The following ARHGAP22 variants were observed in gnomAD, a reference collection of about 807,000 sequenced individuals.
ARHGAP22 encodes rho GTPase-activating protein 22.
ARHGAP22 carries 48 observed loss-of-function variants against 59.1 expected under a neutral mutation model. The ratio of observed to expected loss-of-function variants is 0.81; its 90% CI spans 0.64 to 1.03. The LOEUF (loss-of-function observed/expected upper bound fraction) is 1.03, where lower values mean the gene tolerates loss of function less well. ARHGAP22 is among the 50% of genes least tolerant of loss of function. The pLI is 0.00. For synonymous variants in ARHGAP22, 445 were observed against 416.4 expected, an observed-to-expected ratio of 1.07 and a Z score of -0.84; for missense variants, 1,015 against 958.7, an observed-to-expected ratio of 1.06 and a Z score of -0.78.
intron 3 of ARHGAP22, among the ~76,000 whole-genome samples, chr10:48,520,329 T>C (rs2134711380): frequency 6.6e-6 from 1 of 152,266 alleles, no homozygotes; most frequent in African/African-American, 2.4e-5. Flanking sequence ...CAGCCCTGGT[T>C]CTGCTGTTCT....
chr10:48,444,416 G>T (rs1322750399), downstream of ARHGAP22: 1 of 152,232 alleles, frequency 6.6e-6, no homozygotes, highest in Non-Finnish European at 1.5e-5. Context: ...GTTACACAGA[G>T]ATTGGAGAAC....
chr10:48,470,927 T>A (rs777431664), intron 4 of ARHGAP22, among the ~76,000 whole-genome samples: 27 of 152,220 alleles, frequency 1.8e-4, no homozygotes, highest in South Asian at 2.1e-4. Flanking sequence ...CTGGGGGTAA[T>A]CACCTTTCAC....
At position 48,450,293 on chromosome 10, in the gene ARHGAP22, GCGGCACAGCT is replaced by G; in HGVS notation, c.1826_1835del (p.Glu609AlafsTer10). The G allele has an allele frequency of 1.2e-6, 2 of 1,609,340 alleles. No individual in the cohort carries two copies. Among genetic ancestry groups the G allele is most frequent in the Non-Finnish European group, 1.7e-6 (2 of 1,178,400 alleles). The stretch of plus-strand genomic sequence containing the variant: ...CACTCCTCTCGTACTCAGTCCGCTG[GCGGCACAGCT>G]CGGCCCTGAGCTCAGTGACCAGCCC... On this transcript the variant is annotated frameshift_variant, in exon 9 of 10. Transcript: ENST00000249601. LOFTEE classifies it low-confidence loss of function (END_TRUNC).
At chr10:48,453,192 C>G in intron 8 of ARHGAP22, 112 bp downstream of exon 8, 1 of 1,481,308 alleles carries the variant, frequency 6.8e-7, no homozygotes, top group Non-Finnish European at 9.3e-7. Flanking sequence ...ACCTGAGCCA[C>G]CCCTCCTGCT....
upstream of ARHGAP22, chr10:48,655,958 G>A (rs1466499277): frequency 6.6e-6 from 1 of 152,468 alleles, no homozygotes; most frequent in African/African-American, 2.4e-5. Flanking sequence ...GTGCGCCCCA[G>A]GGCTTGCACC....
At chr10:48,592,705 A>G (rs1182394156) in intron 1 of ARHGAP22, among the ~76,000 whole-genome samples, 1 of 152,092 alleles carries the variant, frequency 6.6e-6, no homozygotes, top group Non-Finnish European at 1.5e-5. Flanking sequence ...GACCCTGCCA[A>G]TGCTGCATGT....
upstream of ARHGAP22, among the ~76,000 whole-genome samples, chr10:48,655,096 T>TCTCTC (rs2062751529): frequency 4.3e-5 from 3 of 69,570 alleles, 1 homozygote; most frequent in African/African-American, 1.7e-4. Flanking sequence ...TCTCTTCTCT[T>TCTCTC]CTCTTCTCTT....
upstream of ARHGAP22, chr10:48,605,116 C>A: frequency 8.5e-7 from 1 of 1,169,724 alleles, no homozygotes; most frequent in Non-Finnish European, 1.1e-6. Flanking sequence ...TGGGCGCACG[C>A]GTGGCTGTCC....
At chr10:48,584,311 G>T (rs1305109915) in intron 1 of ARHGAP22, among the ~76,000 whole-genome samples, 1 of 152,150 alleles carries the variant, frequency 6.6e-6, no homozygotes, top group Non-Finnish European at 1.5e-5. Flanking sequence ...CTGCCCATGT[G>T]GTCCCACTAG....
At chr10:48,434,853 C>G in the ARHGAP22 span, 1 of 1,580,316 alleles carries the variant, frequency 6.3e-7, no homozygotes, top group Non-Finnish European at 8.6e-7. Flanking sequence ...CTGTCTGCAA[C>G]TGATTTGCTG....
At chr10:48,489,289 CATTTGACAGGTGG>C (rs1238648786) in intron 3 of ARHGAP22, among the ~76,000 whole-genome samples, 2 of 152,146 alleles carry the variant, frequency 1.3e-5, no homozygotes, top group Admixed American at 6.5e-5. Context: ...TTGATGACCC[CATTTGACAGGTGG>C]AAAAACCGAG....
chr10:48,492,980 A>T (rs959196835), intron 3 of ARHGAP22, among the ~76,000 whole-genome samples: 2 of 152,232 alleles, frequency 1.3e-5, no homozygotes, highest in Non-Finnish European at 2.9e-5. Context: ...TATTATACAT[A>T]TATTTGTACA....
At chr10:48,613,534 A>G (rs541872455) in intron 1 of ARHGAP22, among the ~76,000 whole-genome samples, 1 of 152,344 alleles carries the variant, frequency 6.6e-6, no homozygotes, top group East Asian at 1.9e-4. Flanking sequence ...GCCAGACTTC[A>G]TGGTGCCATG....
rs11593258 is a variant in ARHGAP22, at chr10:48,500,720, G to A, written c.323-20956C>T. The stretch of plus-strand genomic sequence containing the variant: ...CTGGCTAACATGGTGAAAAAACCCC[G>A]TCTCTACTAAAAATACAAAAATTAG... On this transcript the variant is annotated intron_variant, in intron 3 of 9. Transcript: ENST00000249601. Among the ~76,000 whole-genome samples the A allele has an allele frequency of 7.0e-3, 1,063 of 151,948 alleles. 7 individuals are homozygous for A. The highest frequency in any genetic ancestry group is 0.017 in the Middle Eastern group (5 of 294).
At chr10:48,506,832 T>C (rs1197015184) in intron 3 of ARHGAP22, among the ~76,000 whole-genome samples, 4 of 152,122 alleles carry the variant, frequency 2.6e-5, no homozygotes, top group Admixed American at 2.6e-4. Context: ...TAGACAACCT[T>C]CAGGAAGGTC....
intron 5 of ARHGAP22, among the ~76,000 whole-genome samples, chr10:48,455,649 T>C (rs749650402): frequency 6.6e-6 from 1 of 152,192 alleles, no homozygotes; most frequent in Non-Finnish European, 1.5e-5. Context: ...TGCAAGACGA[T>C]GTGGGAGCTG....
chr10:48,655,068 CCTTCTCTTCTCTTCT>C (rs200335418), upstream of ARHGAP22, among the ~76,000 whole-genome samples: 13 of 22,130 alleles, frequency 5.9e-4, 2 homozygotes, highest in East Asian at 3.1e-3. Context: ...TTCCTTCCCT[CCTTCTCTTCTCTTCT>C]CTTCTCTTCT....
intron 2 of ARHGAP22, among the ~76,000 whole-genome samples, chr10:48,567,166 A>C (rs1286639483): frequency 6.6e-6 from 1 of 152,108 alleles, no homozygotes; most frequent in Non-Finnish European, 1.5e-5. Flanking sequence ...GCCCTGAGTC[A>C]CTCCTGGGGT....
At chr10:48,446,981 C>G (rs534197159) in intron 9 of ARHGAP22, among the ~76,000 whole-genome samples, 8 of 152,328 alleles carry the variant, frequency 5.3e-5, no homozygotes, top group African/African-American at 1.9e-4. Context: ...GGACTGTCCC[C>G]TGGCCTTTGC....
Sources: allele counts gnomAD v4.1 joint callset (sites outside exome capture counted in the v4.1 genomes callset), GRCh38; gene constraint gnomAD v4.1.1; transcripts MANE v1.5; gene names NCBI Gene and HGNC (gene_info 2026-07-23, HGNC 2026-07-21).